Variants in TTC28 observed in about 807,000 individuals in gnomAD.
TTC28 encodes the protein tetratricopeptide repeat protein 28.
TTC28 carries 61 observed loss-of-function variants against 198.0 expected under a neutral mutation model. The observed-to-expected ratio is 0.31, with a 90% CI of 0.25 to 0.38. The LOEUF is 0.38. Among genes scored for constraint, TTC28 ranks in the 10% least tolerant of loss-of-function variants. The probability of loss-of-function intolerance (pLI) is 1.00; values close to 1 mark genes in which losing one functional copy is unlikely to be tolerated. For synonymous variants in TTC28, 1,171 were observed against 1,297.8 expected, an observed-to-expected ratio of 0.90 and a Z score of 2.10; for missense variants, 2,678 against 3,164.0, an observed-to-expected ratio of 0.85 and a Z score of 3.69.
chr22:28,350,753 GA>G (rs1454628813), intron 2 of TTC28, among the ~76,000 whole-genome samples: 1 of 152,192 alleles, frequency 6.6e-6, no homozygotes, highest in Non-Finnish European at 1.5e-5. Context: ...TAGAAAAACA[GA>G]AAATAACCTA....
intron 1 of TTC28, among the ~76,000 whole-genome samples, chr22:28,650,942 A>G (rs2051553844): frequency 1.3e-5 from 2 of 152,216 alleles, no homozygotes; most frequent in African/African-American, 4.8e-5. Context: ...GTGTGAGTCA[A>G]ATCTAGCCTG....
intron 6 of TTC28, among the ~76,000 whole-genome samples, chr22:28,128,645 CT>C (rs1217216046): frequency 6.6e-6 from 1 of 152,084 alleles, no homozygotes; most frequent in East Asian, 1.9e-4. Flanking sequence ...TCAAGTGATC[CT>C]CCTAACCTCA....
At chr22:28,597,942 C>A (rs2050569241) in intron 2 of TTC28, among the ~76,000 whole-genome samples, 2 of 151,856 alleles carry the variant, frequency 1.3e-5, no homozygotes, top group Admixed American at 1.3e-4. Flanking sequence ...TAGGCACATG[C>A]CACCACACCT....
intron 6 of TTC28, among the ~76,000 whole-genome samples, chr22:28,117,294 T>A (rs2146929357): frequency 6.6e-6 from 1 of 152,314 alleles, no homozygotes. Context: ...GTAGGCTTTG[T>A]ATGAATATAA....
At chr22:28,267,077 G>A (rs540584172) in intron 5 of TTC28, among the ~76,000 whole-genome samples, 1 of 152,256 alleles carries the variant, frequency 6.6e-6, no homozygotes, top group South Asian at 2.1e-4. Flanking sequence ...TGAATTGCTA[G>A]GATTATATTC....
chr22:28,534,613 C>T (rs1441377422), intron 2 of TTC28, among the ~76,000 whole-genome samples: 1 of 152,106 alleles, frequency 6.6e-6, no homozygotes, highest in African/African-American at 2.4e-5. Context: ...CACATGCACA[C>T]GTATGTTTAC....
chr22:28,669,666 TAA>T (rs974607169), intron 1 of TTC28, among the ~76,000 whole-genome samples: 8 of 152,180 alleles, frequency 5.3e-5, no homozygotes, highest in African/African-American at 1.9e-4. Flanking sequence ...TTAAAAATGT[TAA>T]GTTACTTATA....
At chr22:28,395,460 C>A (rs2046799304) in intron 2 of TTC28, among the ~76,000 whole-genome samples, 1 of 152,016 alleles carries the variant, frequency 6.6e-6, no homozygotes, top group Non-Finnish European at 1.5e-5. Flanking sequence ...GGTAAAACCC[C>A]AACTCTACTA....
At chr22:28,121,415 A>G (rs1942784201) in intron 6 of TTC28, among the ~76,000 whole-genome samples, 1 of 152,188 alleles carries the variant, frequency 6.6e-6, no homozygotes, top group Admixed American at 6.5e-5. Flanking sequence ...GCATATGTAA[A>G]TAAAGAAACC....
At chr22:28,553,147 C>A (rs934684982) in intron 2 of TTC28, among the ~76,000 whole-genome samples, 18 of 152,212 alleles carry the variant, frequency 1.2e-4, no homozygotes, top group Non-Finnish European at 2.2e-4. Context: ...CAACCTCTAC[C>A]TCCCAGCCGC....
At chr22:28,167,572 C>T (rs1306555558) in intron 5 of TTC28, among the ~76,000 whole-genome samples, 1 of 152,198 alleles carries the variant, frequency 6.6e-6, no homozygotes, top group Non-Finnish European at 1.5e-5. Flanking sequence ...GAAAAAACCA[C>T]ATGATTATCT....
chr22:28,522,483 C>A, intron 2 of TTC28, among the ~76,000 whole-genome samples: 1 of 145,156 alleles, frequency 6.9e-6, no homozygotes, highest in Admixed American at 6.8e-5. Flanking sequence ...TGCGAAACTC[C>A]GTCTCAAAAA....
intron 12 of TTC28, among the ~76,000 whole-genome samples, chr22:28,051,634 G>T (rs1317830449): frequency 6.6e-6 from 1 of 152,200 alleles, no homozygotes; most frequent in Non-Finnish European, 1.5e-5. Flanking sequence ...TAACCCAGTA[G>T]GGGGTTTAAC....
intron 5 of TTC28, among the ~76,000 whole-genome samples, chr22:28,256,040 T>C (rs1869654578): frequency 6.6e-6 from 1 of 152,040 alleles, no homozygotes; most frequent in African/African-American, 2.4e-5. Flanking sequence ...GTGTAGGTTA[T>C]GTTTTCAAAA....
At chr22:28,061,680 A>C in intron 12 of TTC28, among the ~76,000 whole-genome samples, 1 of 152,220 alleles carries the variant, frequency 6.6e-6, no homozygotes, top group Non-Finnish European at 1.5e-5. Flanking sequence ...CTTTTGGCTT[A>C]GGATTGTCTT....
chr22:28,193,116 A>G (rs978803132), intron 5 of TTC28, among the ~76,000 whole-genome samples: 18 of 152,126 alleles, frequency 1.2e-4, no homozygotes, highest in Non-Finnish European at 1.8e-4. Flanking sequence ...CAAGCCAGAA[A>G]AGAGTGGGGG....
chr22:28,639,769 A>T (rs909721392), intron 1 of TTC28, among the ~76,000 whole-genome samples: 2 of 152,280 alleles, frequency 1.3e-5, no homozygotes, highest in African/African-American at 4.8e-5. Flanking sequence ...TCTTTTGTAA[A>T]TTGCCCAGTT....
chr22:28,319,225 T>C (rs554414243), intron 2 of TTC28, among the ~76,000 whole-genome samples: 1 of 152,324 alleles, frequency 6.6e-6, no homozygotes, highest in East Asian at 1.9e-4. Context: ...CACTTACTCA[T>C]GTCACCCTGT....
chr22:28,338,793 T>C (rs1161792244), intron 2 of TTC28, among the ~76,000 whole-genome samples: 1 of 152,208 alleles, frequency 6.6e-6, no homozygotes, highest in Non-Finnish European at 1.5e-5. Context: ...AACTTCCTCC[T>C]TTAGCTCAGA....
Sources: gnomAD v4.1 joint callset for allele counts (sites outside exome capture counted in the v4.1 genomes callset) on GRCh38, gnomAD v4.1.1 for gene constraint, MANE v1.5 for transcripts, NCBI Gene and HGNC (gene_info 2026-07-23, HGNC 2026-07-21) for gene names.